SERINC3: variants seen among roughly 807,000 people sequenced by gnomAD.
SERINC3 encodes tumor differentially expressed protein 1.
SERINC3 carries 22 observed loss-of-function variants against 52.1 expected under a neutral mutation model. The ratio of observed to expected loss-of-function variants is 0.42; its 90% confidence interval spans 0.30 to 0.60. The LOEUF (loss-of-function observed/expected upper bound fraction) is 0.60. SERINC3 is among the 20% of genes least tolerant of loss of function. The pLI, the probability that SERINC3 is intolerant of heterozygous loss-of-function variation, is 0.16. For missense variants in SERINC3, 564 were observed against 584.6 expected, an observed-to-expected ratio of 0.96 and a Z score of 0.36; for synonymous variants, 226 against 212.7, an observed-to-expected ratio of 1.06 and a Z score of -0.54.
In SERINC3 at chr20:44,497,554, G is replaced by C. The variant is rs15254; in HGVS notation, c.*2742C>G. ...GAGGATGGGGCACTGTAATGTTTTT[G>C]AAGTTTAGGACCTTTAAAGCTCTTA... On this transcript the variant is annotated 3_prime_UTR_variant, in exon 10 of 10. Coordinates refer to ENST00000342374, the MANE Select transcript of SERINC3 (RefSeq NM_006811.4). The C allele has an allele frequency of 6.6e-6, 1 of 152,210 alleles. No individual in the cohort carries two copies. The allele number at this position is 152,210 out of a possible 1,614,324, so 9.4% of individuals were successfully genotyped here.
intron 7 of SERINC3, 63 bp downstream of exon 7, chr20:44,504,734 CAACT>C: frequency 7.7e-7 from 1 of 1,303,784 alleles, no homozygotes; most frequent in Non-Finnish European, 1.1e-6. Flanking sequence ...GTTTTTGTAC[CAACT>C]ATGTAAAGGC....
intron 4 of SERINC3, among the ~76,000 whole-genome samples, chr20:44,510,919 T>C (rs2064343335): frequency 1.3e-5 from 2 of 152,056 alleles, no homozygotes; most frequent in Admixed American, 6.6e-5. Flanking sequence ...AGTTTTGTTT[T>C]GTTTTGTTTT....
intron 3 of SERINC3, 57 bp from the exon 4 acceptor site, chr20:44,511,425 A>G (rs955203724): frequency 2.2e-5 from 25 of 1,112,424 alleles, no homozygotes; most frequent in Non-Finnish European, 3.1e-5. Flanking sequence ...TATACTGAGA[A>G]AAATTCATTT....
Position 44,506,840 on chromosome 20 carries a change from TG to T in SERINC3, c.769del (p.His257ThrfsTer43). 2 of 1,570,218 alleles carry T rather than the reference TG, an allele frequency of 1.3e-6. No homozygotes were observed. Among genetic ancestry groups the T allele is most frequent in the Non-Finnish European group, 1.7e-6 (2 of 1,161,612 alleles). The stretch of plus-strand genomic sequence containing the variant: ...AAACAATCATACCTGAATTTTTGGG[TG>T]GATCGATATAATAGAAGCCACAACG... The part of the protein sequence containing the change: ...LCVVASIISI[H>X]PKIQEHQPRS... On this transcript the variant is annotated frameshift_variant, in exon 6 of 10. Transcript: ENST00000342374. LOFTEE classifies it high-confidence loss of function.
chr20:44,512,504 C>T (rs771686748), intron 3 of SERINC3, among the ~76,000 whole-genome samples: 5 of 151,912 alleles, frequency 3.3e-5, no homozygotes, highest in African/African-American at 4.8e-5. Flanking sequence ...TGTGTGTGTA[C>T]GTAGTATCTA....
At chr20:44,502,999 T>C (rs1300269162) in intron 8 of SERINC3, among the ~76,000 whole-genome samples, 2 of 152,210 alleles carry the variant, frequency 1.3e-5, no homozygotes, top group African/African-American at 4.8e-5. Flanking sequence ...ATACTTAGAA[T>C]TGTATTTAGA....
chr20:44,518,012 A>G (rs2064391265), intron 1 of SERINC3, among the ~76,000 whole-genome samples: 1 of 152,066 alleles, frequency 6.6e-6, no homozygotes, highest in African/African-American at 2.4e-5. Flanking sequence ...TCCTCATCCA[A>G]TCTGTCAGTA....
intron 5 of SERINC3, 124 bp from the exon 6 acceptor site, chr20:44,507,120 T>C (rs2064319886): frequency 1.5e-6 from 1 of 663,752 alleles, no homozygotes; most frequent in Non-Finnish European, 2.3e-6. Context: ...TAATTTACAG[T>C]AAAATTACAG....
At chr20:44,500,500 G>GC (rs1191493765) in intron 9 of SERINC3, 66 bp from the exon 10 acceptor site, 6 of 1,537,054 alleles carry the variant, frequency 3.9e-6, no homozygotes, top group Admixed American at 3.9e-5. Flanking sequence ...GCCTCCTGCA[G>GC]CCCCCCAGCC....
At chr20:44,506,281 CAAAA>C (rs58316790) in intron 6 of SERINC3, among the ~76,000 whole-genome samples, 2 of 65,800 alleles carry the variant, frequency 3.0e-5, no homozygotes, top group Admixed American at 1.8e-4. Flanking sequence ...GACTTTGTCT[CAAAA>C]AAAAAAAAAA....
chr20:44,511,372 T>C lies in SERINC3; in HGVS notation c.396-4A>G. On this transcript the variant is annotated splice_polypyrimidine_tract_variant and splice_region_variant and intron_variant, in intron 3 of 9. Coordinates refer to ENST00000342374, the MANE Select transcript of SERINC3 (RefSeq NM_006811.4). Reference sequence around the variant, plus strand: ...AGCAATTTTGAAGAACCAAAACCTATTAAAATATAAAAATGCATTTATGAA... The same window carrying C: ...AGCAATTTTGAAGAACCAAAACCTACTAAAATATAAAAATGCATTTATGAA... 1 of 1,598,254 alleles carries C rather than the reference T, an allele frequency of 6.3e-7. No homozygotes were observed. Among genetic ancestry groups the C allele is most frequent in the South Asian group, 1.1e-5 (1 of 90,684 alleles).
intron 1 of SERINC3, among the ~76,000 whole-genome samples, chr20:44,521,393 C>T (rs969578063): frequency 6.6e-6 from 1 of 152,168 alleles, no homozygotes; most frequent in African/African-American, 2.4e-5. Context: ...ATATTCAGGC[C>T]CTGGTTTCCA....
chr20:44,508,265 A>AT (rs1215746218), intron 5 of SERINC3, among the ~76,000 whole-genome samples: 2 of 152,104 alleles, frequency 1.3e-5, no homozygotes, highest in African/African-American at 4.8e-5. Flanking sequence ...AGGTGGATCG[A>AT]TTGAGTCCAG....
chr20:44,516,174 C>T (rs2064379524), intron 1 of SERINC3, among the ~76,000 whole-genome samples: 2 of 151,828 alleles, frequency 1.3e-5, no homozygotes, highest in Non-Finnish European at 2.9e-5. Context: ...CAGTGGCAGG[C>T]ACCTGTAATC....
rs2064272470 is a variant in SERINC3, at chr20:44,500,440, A to G, written c.1284-6T>C. On this transcript the variant is annotated splice_region_variant and splice_polypyrimidine_tract_variant and intron_variant, in intron 9 of 9. Transcript: ENST00000342374. ...TCTGAAACTTTGCATCAGGGCTAAG[A>G]AAACAAGAGAGAGTCAGGTAGAAAA... The G allele has an allele frequency of 1.9e-6, 3 of 1,558,112 alleles. No homozygotes were observed. Among genetic ancestry groups the G allele is most frequent in the Admixed American group, 1.9e-5 (1 of 51,322 alleles).
downstream of SERINC3, chr20:44,496,431 C>T (rs6093985): frequency 2.0e-5 from 3 of 152,310 alleles, no homozygotes; most frequent in African/African-American, 7.2e-5. Flanking sequence ...AAGCATAAGC[C>T]TACTATCTGT....
In SERINC3 at chr20:44,506,835, T is replaced by C. The variant is rs1455294691; in HGVS notation, c.775A>G (p.Lys259Glu). 1 of 1,569,022 alleles carries C rather than the reference T, an allele frequency of 6.4e-7. No individual in the cohort carries two copies. ...VVASIISIHPKIQEHQPRSGL... is the reference protein window; with the variant it reads ...VVASIISIHPEIQEHQPRSGL... ...GTAGTAAACAATCATACCTGAATTT[T>C]TGGGTGGATCGATATAATAGAAGCC... The change falls in exon 6 of 10, where the codon AAA becomes GAA. Residue 259 changes from lysine to glutamate, a missense_variant. Physicochemically the swap from Lys to Glu is moderately conservative, Grantham distance 56. Transcript: ENST00000342374.
chr20:44,502,759 C>A (rs1004821496), intron 8 of SERINC3, among the ~76,000 whole-genome samples: 1 of 151,998 alleles, frequency 6.6e-6, no homozygotes, highest in Non-Finnish European at 1.5e-5. Context: ...GATTGCACCA[C>A]CACACCTGGC....
intron 4 of SERINC3, 81 bp downstream of exon 4, chr20:44,511,208 C>T: frequency 1.9e-6 from 2 of 1,032,508 alleles, no homozygotes; most frequent in Non-Finnish European, 3.0e-6. Flanking sequence ...GCCACTGCAC[C>T]CGGCCTAAAA....
Sources: allele counts gnomAD v4.1 joint callset (sites outside exome capture counted in the v4.1 genomes callset), GRCh38; gene constraint gnomAD v4.1.1; transcripts MANE v1.5; gene names NCBI Gene and HGNC (gene_info 2026-07-23, HGNC 2026-07-21).